Variants in DOCK3 observed in about 807,000 individuals in gnomAD.
DOCK3 encodes the protein dedicator of cytokinesis 3.
A neutral mutation model predicts 265.6 loss-of-function variants in DOCK3; 60 were observed. The observed-to-expected ratio is 0.23, with a 90% CI of 0.18 to 0.28. The LOEUF (loss-of-function observed/expected upper bound fraction) is 0.28, where lower values mean the gene tolerates loss of function less well. Among genes scored for constraint, DOCK3 ranks in the 10% least tolerant of loss-of-function variants. The pLI is 1.00. For synonymous variants in DOCK3, 881 were observed against 938.0 expected (o/e 0.94, Z 1.11); for missense variants, 1,981 against 2,594.3 (o/e 0.76, Z 5.14).
chr3:50,937,999 A>G (rs1270102616), intron 5 of DOCK3, among the ~76,000 whole-genome samples: 1 of 152,092 alleles, frequency 6.6e-6, no homozygotes, highest in Non-Finnish European at 1.5e-5. Flanking sequence ...TCACTTGTCT[A>G]TATGATGATG....
intron 5 of DOCK3, among the ~76,000 whole-genome samples, chr3:50,947,105 T>G (rs1221177217): frequency 6.6e-6 from 1 of 151,808 alleles, no homozygotes; most frequent in African/African-American, 2.4e-5. Context: ...ACTTTTAATT[T>G]ACTAGTTTTT....
intron 21 of DOCK3, 57 bp from the exon 22 acceptor site, chr3:51,246,669 T>C (rs1210139620): frequency 4.6e-6 from 7 of 1,521,558 alleles, no homozygotes; most frequent in Non-Finnish European, 6.3e-6. Flanking sequence ...TACAGATGTT[T>C]CAAGCTGCAT....
At chr3:51,030,133 C>T (rs531843323) in intron 5 of DOCK3, among the ~76,000 whole-genome samples, 2 of 152,242 alleles carry the variant, frequency 1.3e-5, no homozygotes, top group South Asian at 2.1e-4. Flanking sequence ...TTCTGTGCGC[C>T]CCACTTCTTT....
chr3:50,798,337 A>G (rs1032120751), intron 2 of DOCK3, among the ~76,000 whole-genome samples: 3 of 152,216 alleles, frequency 2.0e-5, no homozygotes, highest in African/African-American at 7.2e-5. Context: ...ACTGCCCATG[A>G]TCTGCAGAGT....
intron 1 of DOCK3, among the ~76,000 whole-genome samples, chr3:50,688,986 T>C (rs563958447): frequency 4.6e-5 from 7 of 152,268 alleles, no homozygotes; most frequent in African/African-American, 1.7e-4. Context: ...AATAAAATAA[T>C]GCGTGGGCTA....
chr3:51,148,760 T>C (rs2085423720), intron 10 of DOCK3, among the ~76,000 whole-genome samples: 1 of 152,220 alleles, frequency 6.6e-6, no homozygotes, highest in African/African-American at 2.4e-5. Context: ...GTAGTATAGT[T>C]TGAAGTCAGG....
chr3:50,838,815 G>A lies in DOCK3; in HGVS notation c.122-2860G>A, dbSNP rs548366820. ...TTCATATGTAAGAAACAAAAATAAT[G>A]GGTTGTTCTTCCCTTTCTCTTTTCC... is the stretch of plus-strand genomic sequence containing the variant. On this transcript the variant is annotated intron_variant, in intron 2 of 52. Coordinates refer to ENST00000266037, the MANE Select transcript of DOCK3 (RefSeq NM_004947.5). Among the ~76,000 whole-genome samples the A allele has an allele frequency of 2.0e-5, 3 of 152,254 alleles. No individual in the cohort carries two copies. The South Asian group carries it at 6.2e-4, about 32-fold the overall frequency.
At chr3:51,079,953 G>C (rs968557693) in intron 7 of DOCK3, among the ~76,000 whole-genome samples, 4 of 152,098 alleles carry the variant, frequency 2.6e-5, no homozygotes, top group African/African-American at 9.7e-5. Flanking sequence ...TGGGATTTGT[G>C]TTTGCCTGTT....
At chr3:51,346,950 T>C (rs2085626516) in intron 38 of DOCK3, among the ~76,000 whole-genome samples, 1 of 152,364 alleles carries the variant, frequency 6.6e-6, no homozygotes, top group East Asian at 1.9e-4. Flanking sequence ...TTGAGAAGTG[T>C]CTGTTCATAT....
At chr3:50,945,465 T>C (rs2076402477) in intron 5 of DOCK3, among the ~76,000 whole-genome samples, 1 of 152,194 alleles carries the variant, frequency 6.6e-6, no homozygotes, top group Admixed American at 6.5e-5. Flanking sequence ...ACAGTTCTAT[T>C]TTGTATTAAT....
chr3:51,008,561 A>T (rs977426791), intron 5 of DOCK3, among the ~76,000 whole-genome samples: 2 of 152,312 alleles, frequency 1.3e-5, no homozygotes, highest in Middle Eastern at 6.8e-3. Flanking sequence ...ATATACAATC[A>T]TGTCGTCTGC....
At chr3:50,788,181 G>C (rs1322467955) in intron 2 of DOCK3, 1 of 755,056 alleles carries the variant, frequency 1.3e-6, no homozygotes, top group African/African-American at 1.8e-5. Context: ...CATGATGAAA[G>C]CTGGATGGCA....
At chr3:51,148,244 C>T (rs1208544047) in intron 10 of DOCK3, among the ~76,000 whole-genome samples, 1 of 151,974 alleles carries the variant, frequency 6.6e-6, no homozygotes, top group Admixed American at 6.6e-5. Flanking sequence ...GGATATTAGC[C>T]CTTTGTCAGA....
chr3:51,333,775 G>C (rs568433318), intron 35 of DOCK3, among the ~76,000 whole-genome samples: 133 of 152,160 alleles, frequency 8.7e-4, no homozygotes, highest in African/African-American at 3.1e-3. Context: ...GTCGTGGCCA[G>C]AATAGATTAG....
chr3:50,850,770 T>C (rs1344552203), intron 3 of DOCK3, among the ~76,000 whole-genome samples: 2 of 152,184 alleles, frequency 1.3e-5, no homozygotes, highest in Non-Finnish European at 2.9e-5. Context: ...GCTTCTGTAG[T>C]CCTATGCACA....
intron 4 of DOCK3, among the ~76,000 whole-genome samples, chr3:50,902,082 T>C (rs1029534178): frequency 3.9e-5 from 6 of 152,186 alleles, no homozygotes; most frequent in African/African-American, 1.4e-4. Flanking sequence ...GTTTGTTTTT[T>C]TCTTGTAAAT....
intron 27 of DOCK3, among the ~76,000 whole-genome samples, chr3:51,297,907 A>C (rs1035126678): frequency 6.6e-6 from 1 of 152,074 alleles, no homozygotes; most frequent in East Asian, 1.9e-4. Context: ...GGATCCCTTG[A>C]GTTCAGGAGT....
intron 27 of DOCK3, among the ~76,000 whole-genome samples, chr3:51,305,476 A>G (rs1356163508): frequency 2.6e-5 from 4 of 152,222 alleles, no homozygotes; most frequent in East Asian, 1.9e-4. Context: ...CCTTGTAGAT[A>G]TAGTTGGATC....
At position 50,886,300 on chromosome 3, in the gene DOCK3, G is replaced by A. The variant is rs902042924; in HGVS notation, c.163-3726G>A. ...CTTCCCAGAAGTGTATGCCAAGCAT[G>A]TATATTTTAAAGATTTTTACTATCA... On this transcript the variant is annotated intron_variant, in intron 3 of 52. Transcript: ENST00000266037. Among the ~76,000 whole-genome samples the A allele has an allele frequency of 7.3e-5, 11 of 151,460 alleles. No homozygotes were observed. In the Middle Eastern group the frequency reaches 0.01, roughly 141 times the overall value.
Sources: allele counts gnomAD v4.1 joint callset (sites outside exome capture counted in the v4.1 genomes callset), GRCh38; gene constraint gnomAD v4.1.1; transcripts MANE v1.5; gene names NCBI Gene and HGNC (gene_info 2026-07-23, HGNC 2026-07-21).